The following SH3RF3 variants were observed in gnomAD, a reference collection of about 807,000 sequenced individuals.
The protein encoded by SH3RF3 is SH3 domain containing ring finger 3, also known as E3 ubiquitin-protein ligase SH3RF3.
Under a neutral mutation model 66.3 loss-of-function variants are expected in SH3RF3, and 29 were observed. The ratio of observed to expected loss-of-function variants is 0.44; its 90% CI spans 0.33 to 0.60. SH3RF3 has a LOEUF of 0.60. SH3RF3 is among the 20% of genes least tolerant of loss of function. The pLI, the probability that SH3RF3 is intolerant of heterozygous loss-of-function variation, is 0.04. For missense variants in SH3RF3, 1,194 were observed against 1,190.9 expected, an observed-to-expected ratio of 1.00 and a Z score of -0.04; for synonymous variants, 583 against 532.0, an observed-to-expected ratio of 1.10 and a Z score of -1.32.
chr2:109,338,225 C>CATGTG (rs1484283014), intron 1 of SH3RF3, among the ~76,000 whole-genome samples: 4 of 152,148 alleles, frequency 2.6e-5, no homozygotes, highest in Non-Finnish European at 5.9e-5. Flanking sequence ...CTCATTCGAT[C>CATGTG]TCACATTTAG....
intron 1 of SH3RF3, among the ~76,000 whole-genome samples, chr2:109,149,750 CGTT>C (rs2104865642): frequency 6.6e-6 from 1 of 152,280 alleles, no homozygotes; most frequent in Non-Finnish European, 1.5e-5. Context: ...TCTATCAAGA[CGTT>C]GTGAGTAAGT....
chr2:109,171,135 A>T (rs1451229405), intron 1 of SH3RF3, among the ~76,000 whole-genome samples: 1 of 152,174 alleles, frequency 6.6e-6, no homozygotes, highest in Non-Finnish European at 1.5e-5. Context: ...CAGCACCTAG[A>T]TCATTCAGGT....
In SH3RF3 at chr2:109,449,268, A is replaced by G. The variant is rs2104633472; in HGVS notation, c.1927A>G (p.Arg643Gly). The G allele has an allele frequency of 6.2e-7, 1 of 1,611,738 alleles. No homozygotes were observed. The highest frequency in any genetic ancestry group is 1.3e-5 in the African/African-American group (1 of 74,930). Residue 643 changes from arginine (R) to glycine (G), a missense_variant, in exon 8 of 10, where the codon AGG becomes GGG. Transcript: ENST00000309415. ...ATCCCGCCTGCCTGCCACCAGCCTC[A>G]GGCCCCACTCGGTGGTGTCCCCGCA... is the stretch of plus-strand genomic sequence containing the variant. ...SPSRLPATSL[R>G]PHSVVSPQHS... is the part of the protein sequence containing the mutation.
Position 109,502,043 on chromosome 2 carries a change from C to T in SH3RF3, c.*372C>T, listed in dbSNP as rs1246414089. On this transcript the variant is annotated 3_prime_UTR_variant, in exon 10 of 10. Transcript: ENST00000309415. ...TTGGAGGTTGCAGGAGGTCTGCAGG[C>T]GAGGTGGGTGGCATGGGGGCCAGGA... 12 of 207,980 alleles carry T rather than the reference C, an allele frequency of 5.8e-5. No homozygotes were observed. The East Asian group carries it at 7.5e-4, about 13-fold the overall frequency. The allele number at this position is 207,980 out of a possible 1,614,324, so 12.9% of individuals were successfully genotyped here.
intron 2 of SH3RF3, among the ~76,000 whole-genome samples, chr2:109,361,565 C>T (rs1422504080): frequency 6.6e-6 from 1 of 152,124 alleles, no homozygotes; most frequent in Non-Finnish European, 1.5e-5. Flanking sequence ...CCTCCGCCTC[C>T]CTGGTCCAAG....
intron 1 of SH3RF3, among the ~76,000 whole-genome samples, chr2:109,328,023 ACTTTTT>A (rs2105478767): frequency 6.6e-6 from 1 of 152,292 alleles, no homozygotes; most frequent in East Asian, 1.9e-4. Flanking sequence ...ATGTCCCTCC[ACTTTTT>A]TTGTTTTTTG....
intron 1 of SH3RF3, among the ~76,000 whole-genome samples, chr2:109,207,505 G>A (rs1246813238): frequency 6.6e-6 from 1 of 152,186 alleles, no homozygotes; most frequent in Non-Finnish European, 1.5e-5. Flanking sequence ...TGCCTTTGGA[G>A]AGATGCATGT....
chr2:109,499,370 C>T (rs1411565824), intron 9 of SH3RF3, among the ~76,000 whole-genome samples: 2 of 152,216 alleles, frequency 1.3e-5, no homozygotes, highest in African/African-American at 4.8e-5. Context: ...AGAATAGCTG[C>T]ACCCTGCCTG....
At chr2:109,405,703 A>G (rs1023937608) in intron 4 of SH3RF3, among the ~76,000 whole-genome samples, 2 of 152,114 alleles carry the variant, frequency 1.3e-5, no homozygotes, top group African/African-American at 4.8e-5. Flanking sequence ...CTATGGCCCC[A>G]TGTCACCTTT....
At chr2:109,173,097 G>A (rs1332867161) in intron 1 of SH3RF3, among the ~76,000 whole-genome samples, 3 of 152,164 alleles carry the variant, frequency 2.0e-5, no homozygotes, top group African/African-American at 7.2e-5. Flanking sequence ...ATCTATTTAA[G>A]TTTCAATAAA....
intron 1 of SH3RF3, among the ~76,000 whole-genome samples, chr2:109,239,760 G>A (rs1679736556): frequency 6.6e-6 from 1 of 152,200 alleles, no homozygotes; most frequent in Non-Finnish European, 1.5e-5. Flanking sequence ...AGGAGCTGGC[G>A]GCACTGCTGT....
intron 1 of SH3RF3, among the ~76,000 whole-genome samples, chr2:109,170,264 CTT>C (rs1432245435): frequency 1.3e-4 from 7 of 52,514 alleles, no homozygotes; most frequent in African/African-American, 4.0e-4. Flanking sequence ...CTTCTCTTCT[CTT>C]CTCTTCTCTT....
chr2:109,291,280 CTTTTT>C (rs11295870), intron 1 of SH3RF3, among the ~76,000 whole-genome samples: 1 of 137,282 alleles, frequency 7.3e-6, no homozygotes, highest in Non-Finnish European at 1.6e-5. Context: ...AGAGTAATCT[CTTTTT>C]TTTTTTTTTT....
At chr2:109,500,335 TGCCACAGCCCAGAGA>T (rs1368447335) in intron 9 of SH3RF3, among the ~76,000 whole-genome samples, 1 of 152,132 alleles carries the variant, frequency 6.6e-6, no homozygotes, top group Non-Finnish European at 1.5e-5. Context: ...CAGGAGCACC[TGCCACAGCCCAGAGA>T]GCCCCTGGGG....
At chr2:109,484,121 T>C (rs577506319) in intron 8 of SH3RF3, among the ~76,000 whole-genome samples, 9 of 149,742 alleles carry the variant, frequency 6.0e-5, no homozygotes, top group African/African-American at 2.2e-4. Context: ...TAGGCTGGAG[T>C]GCAGTGGCGT....
chr2:109,246,573 T>A (rs1226924497), intron 1 of SH3RF3, among the ~76,000 whole-genome samples: 1 of 151,662 alleles, frequency 6.6e-6, no homozygotes. Context: ...GGCTGGAGAG[T>A]GTAGATGTTT....
At chr2:109,490,085 T>C (rs1452029705) in intron 8 of SH3RF3, among the ~76,000 whole-genome samples, 2 of 152,218 alleles carry the variant, frequency 1.3e-5, no homozygotes, top group Non-Finnish European at 2.9e-5. Flanking sequence ...TGAGCCACTT[T>C]ACAAGGTTAT....
At chr2:109,131,818 C>T (rs1676703257) in intron 1 of SH3RF3, among the ~76,000 whole-genome samples, 2 of 152,158 alleles carry the variant, frequency 1.3e-5, no homozygotes, top group Admixed American at 6.5e-5. Flanking sequence ...TAGTCATGTT[C>T]ATGACTTTTT....
chr2:109,159,622 C>T (rs1677437384), intron 1 of SH3RF3, among the ~76,000 whole-genome samples: 1 of 152,150 alleles, frequency 6.6e-6, no homozygotes, highest in South Asian at 2.1e-4. Context: ...CCAGTCTGTG[C>T]CCTGTTAGGA....
Sources: gnomAD v4.1 joint callset for allele counts (sites outside exome capture counted in the v4.1 genomes callset) on GRCh38, gnomAD v4.1.1 for gene constraint, MANE v1.5 for transcripts, NCBI Gene and HGNC (gene_info 2026-07-23, HGNC 2026-07-21) for gene names.